Variants in MEF2C observed in about 807,000 individuals in gnomAD.
MEF2C encodes the protein myocyte-specific enhancer factor 2C.
In MEF2C, 6 loss-of-function variants were observed where a neutral mutation model predicts 50.5. The ratio of observed to expected loss-of-function variants is 0.12; its 90% CI spans 0.07 to 0.23. The LOEUF (loss-of-function observed/expected upper bound fraction) is 0.23, where lower values mean the gene tolerates loss of function less well. MEF2C is among the 10% of genes least tolerant of loss of function. The probability of loss-of-function intolerance (pLI) is 1.00; values close to 1 mark genes in which losing one functional copy is unlikely to be tolerated. For missense variants in MEF2C, 276 were observed against 605.0 expected (o/e 0.46, Z 5.70); for synonymous variants, 183 against 228.0 (o/e 0.80, Z 1.78).
At chr5:88,828,261 A>T (rs1483805758) in intron 1 of MEF2C, among the ~76,000 whole-genome samples, 1 of 152,028 alleles carries the variant, frequency 6.6e-6, no homozygotes. Context: ...GTGGGAAGAA[A>T]TTAATTCTCT....
At chr5:88,771,900 T>C (rs910188443) in intron 3 of MEF2C, 2 of 152,280 alleles carry the variant, frequency 1.3e-5, no homozygotes, top group Non-Finnish European at 2.9e-5. Context: ...CAGACTATTG[T>C]AACTGGTTCA....
At chr5:88,842,958 C>T (rs1581465113) in intron 1 of MEF2C, among the ~76,000 whole-genome samples, 1 of 152,242 alleles carries the variant, frequency 6.6e-6, no homozygotes, top group African/African-American at 2.4e-5. Context: ...CGTGATGATG[C>T]TGACCACAAC....
chr5:88,858,097 A>C (rs559965603), intron 1 of MEF2C, among the ~76,000 whole-genome samples: 5 of 152,322 alleles, frequency 3.3e-5, no homozygotes, highest in African/African-American at 1.2e-4. Flanking sequence ...ATTTTGACAA[A>C]TTGAGGCATT....
chr5:88,890,414 A>C (rs1366808574), intron 1 of MEF2C, among the ~76,000 whole-genome samples: 1 of 152,224 alleles, frequency 6.6e-6, no homozygotes, highest in Non-Finnish European at 1.5e-5. Flanking sequence ...AGGTGTAAAA[A>C]CGTTTATGTT....
At chr5:88,771,355 C>A (rs183203496) in intron 3 of MEF2C, 35 of 776,708 alleles carry the variant, frequency 4.5e-5, no homozygotes, top group Middle Eastern at 6.8e-4. Context: ...CTTATTTACT[C>A]CTCCTCTCAG....
At chr5:88,729,111 C>T (rs187368500) in intron 9 of MEF2C, 107 bp downstream of exon 9, 398 of 1,293,676 alleles carry the variant, frequency 3.1e-4, no homozygotes, top group Non-Finnish European at 4.0e-4. Flanking sequence ...CTGTGGACGG[C>T]GCAGGCCCTA....
At chr5:88,894,997 A>G (rs1834967451) in intron 1 of MEF2C, among the ~76,000 whole-genome samples, 1 of 152,154 alleles carries the variant, frequency 6.6e-6, no homozygotes. Flanking sequence ...TACCCATGAT[A>G]ATGATTTTGC....
At chr5:88,750,467 T>C (rs1772179100) in intron 5 of MEF2C, among the ~76,000 whole-genome samples, 1 of 152,066 alleles carries the variant, frequency 6.6e-6, no homozygotes, top group African/African-American at 2.4e-5. Flanking sequence ...CTCAGCCTCC[T>C]AAAGTGTTGA....
intron 1 of MEF2C, among the ~76,000 whole-genome samples, chr5:88,874,304 C>T (rs1196351585): frequency 2.6e-5 from 4 of 151,856 alleles, no homozygotes; most frequent in South Asian, 2.1e-4. Context: ...ACAATACCAA[C>T]GGGTATGATT....
At chr5:88,872,379 A>G (rs1024400010) in intron 1 of MEF2C, among the ~76,000 whole-genome samples, 4 of 151,992 alleles carry the variant, frequency 2.6e-5, no homozygotes, top group African/African-American at 9.7e-5. Context: ...TAAAAATAAT[A>G]TATTTATTTA....
chr5:88,762,190 G>A (rs2152685453), intron 3 of MEF2C, among the ~76,000 whole-genome samples: 1 of 152,274 alleles, frequency 6.6e-6, no homozygotes, highest in Non-Finnish European at 1.5e-5. Flanking sequence ...CCTGGATGTG[G>A]GTCTGGTCTA....
At chr5:88,760,797 G>T (rs1393952412) in intron 4 of MEF2C, among the ~76,000 whole-genome samples, 5 of 152,078 alleles carry the variant, frequency 3.3e-5, no homozygotes, top group Non-Finnish European at 7.4e-5. Flanking sequence ...ACTTTTCGAT[G>T]GCAACTCTGT....
At chr5:88,871,423 GT>G (rs1318076909) in intron 1 of MEF2C, among the ~76,000 whole-genome samples, 1 of 151,882 alleles carries the variant, frequency 6.6e-6, no homozygotes, top group African/African-American at 2.4e-5. Context: ...TGTCCATGCT[GT>G]TTTACCATAG....
rs112745681 is a variant in MEF2C, at chr5:88,750,373, TAAAA to T, written c.590-1260_590-1257del. ...CACAAGCCACTGTACCTAGTTAATT[TAAAA>T]AAAAAATGTTTGTAGAGATGGGGTT... is the stretch of plus-strand genomic sequence containing the variant. On this transcript the variant is annotated intron_variant, in intron 5 of 10. Transcript: ENST00000504921. Among the ~76,000 whole-genome samples the T allele has an allele frequency of 4.0e-5, 6 of 148,866 alleles. No individual in the cohort carries two copies. In the East Asian group the frequency reaches 1.2e-3, roughly 29 times the overall value.
Position 88,719,220 on chromosome 5 carries a change from T to G in MEF2C, c.*3384A>C, listed in dbSNP as rs1755471745. ...GTCTTGGAATTTTGTTTTTTCATTC[T>G]CACTTTAGTTAACTTTTAAATGATC... is the stretch of plus-strand genomic sequence containing the variant. On this transcript the variant is annotated 3_prime_UTR_variant, in exon 11 of 11. Coordinates refer to ENST00000504921, the MANE Select transcript of MEF2C (RefSeq NM_002397.5). 1 of 152,228 alleles carries G rather than the reference T, an allele frequency of 6.6e-6. No individual in the cohort carries two copies. Among genetic ancestry groups the G allele is most frequent in the South Asian group, 2.1e-4 (1 of 4,832 alleles). The allele number at this position is 152,228 out of a possible 1,614,324, so 9.4% of individuals were successfully genotyped here.
At chr5:88,783,446 T>C (rs988804027) in intron 3 of MEF2C, among the ~76,000 whole-genome samples, 2 of 152,034 alleles carry the variant, frequency 1.3e-5, no homozygotes, top group African/African-American at 4.8e-5. Context: ...CTGACCAACA[T>C]GGAGAAACCC....
chr5:88,733,174 G>A, intron 6 of MEF2C: 1 of 985,330 alleles, frequency 1.0e-6, no homozygotes, highest in Non-Finnish European at 1.2e-6. Flanking sequence ...GAAGAGGCAG[G>A]AATTGATGAG....
chr5:88,869,781 T>C (rs1828943695), intron 1 of MEF2C, among the ~76,000 whole-genome samples: 1 of 149,690 alleles, frequency 6.7e-6, no homozygotes, highest in Non-Finnish European at 1.5e-5. Context: ...AAAATTAATT[T>C]CATAACTAAT....
chr5:88,860,458 A>C (rs992126567), intron 1 of MEF2C, among the ~76,000 whole-genome samples: 2 of 152,112 alleles, frequency 1.3e-5, no homozygotes, highest in Non-Finnish European at 2.9e-5. Flanking sequence ...AAAATCATAA[A>C]ACAAAATGAA....
Sources: allele counts gnomAD v4.1 joint callset (sites outside exome capture counted in the v4.1 genomes callset), GRCh38; gene constraint gnomAD v4.1.1; transcripts MANE v1.5; gene names NCBI Gene and HGNC (gene_info 2026-07-23, HGNC 2026-07-21).